STK32C: variants seen among roughly 807,000 people sequenced by gnomAD.
STK32C encodes serine/threonine-protein kinase 32C.
In STK32C, 31 loss-of-function variants were observed where a neutral mutation model predicts 56.5. That is an observed-to-expected ratio of 0.55 (90% CI 0.41 to 0.74). The LOEUF (loss-of-function observed/expected upper bound fraction) is 0.74, where lower values mean the gene tolerates loss of function less well. Ranked by LOEUF, STK32C falls within the 30% of genes least tolerant of loss-of-function variation. The pLI, the probability that STK32C is intolerant of heterozygous loss-of-function variation, is 0.00. For missense variants in STK32C, 544 were observed against 676.9 expected, an observed-to-expected ratio of 0.80 and a Z score of 2.18; for synonymous variants, 309 against 289.4, an observed-to-expected ratio of 1.07 and a Z score of -0.69.
chr10:132,264,900 A>G (rs1300752418), intron 1 of STK32C, among the ~76,000 whole-genome samples: 3 of 152,268 alleles, frequency 2.0e-5, no homozygotes, highest in Admixed American at 6.5e-5. Flanking sequence ...TCACTTTAGG[A>G]AAGACGTTAA....
chr10:132,264,427 G>A (rs1167162057), intron 1 of STK32C, among the ~76,000 whole-genome samples: 1 of 152,228 alleles, frequency 6.6e-6, no homozygotes, highest in Admixed American at 6.5e-5. Context: ...GTAGGCGTTA[G>A]GTGGGCGGGA....
In STK32C at chr10:132,243,169, G is replaced by T. The variant is rs535172848; in HGVS notation, c.318+2731C>A. Among the ~76,000 whole-genome samples the T allele has an allele frequency of 5.3e-5, 8 of 152,348 alleles. No individual in the cohort carries two copies. The South Asian group carries it at 1.7e-3, about 32-fold the overall frequency. On this transcript the variant is annotated intron_variant, in intron 2 of 11. Transcript: ENST00000298630. The stretch of plus-strand genomic sequence containing the variant: ...CCCACCAGCTCACAGGAGGATGCAG[G>T]AATGGGGCTGCCCCCATCTGTGGCT...
intron 1 of STK32C, among the ~76,000 whole-genome samples, chr10:132,279,521 G>A (rs34841629): frequency 0.43 from 65,957 of 151,838 alleles, 15,493 homozygotes; most frequent in African/African-American, 0.6. Context: ...GCACTTTGGG[G>A]GGCTGTGGCA....
upstream of STK32C, among the ~76,000 whole-genome samples, chr10:132,310,986 G>A (rs1300724586): frequency 2.0e-5 from 3 of 152,232 alleles, no homozygotes; most frequent in African/African-American, 7.2e-5. This position sits in a 1 kb window ranked among gnomAD's most constrained non-coding sequence, Gnocchi z 4.6. Flanking sequence ...AGGACAGCAA[G>A]TGAGTGGCCG....
Position 132,279,135 on chromosome 10 carries a change from A to G in STK32C, c.262+28437T>C, listed in dbSNP as rs149763078. On this transcript the variant is annotated intron_variant, in intron 1 of 11. Transcript: ENST00000298630. Reference sequence around the variant, plus strand: ...ATAGTCCAGCTGCACCCAGTTTAACACAGTAATGATTGCAACTGTGAAGTT... The same window carrying G: ...ATAGTCCAGCTGCACCCAGTTTAACGCAGTAATGATTGCAACTGTGAAGTT... Among the ~76,000 whole-genome samples the G allele has an allele frequency of 4.9e-4, 75 of 152,300 alleles. 1 individual carries two copies. The highest frequency in any genetic ancestry group is 9.6e-4 in the Non-Finnish European group (65 of 68,028).
chr10:132,318,336 C>G (rs376332886), intron 1 of STK32C, among the ~76,000 whole-genome samples: 1 of 151,690 alleles, frequency 6.6e-6, no homozygotes, highest in Non-Finnish European at 1.5e-5. Flanking sequence ...ACTTGGAAAA[C>G]CAGGCACGGT....
At chr10:132,263,359 T>C (rs1006728402) in intron 1 of STK32C, among the ~76,000 whole-genome samples, 1 of 152,066 alleles carries the variant, frequency 6.6e-6, no homozygotes. Context: ...CAATACCACA[T>C]GTCCTCATGT....
intron 1 of STK32C, chr10:132,330,171 T>G: frequency 2.3e-6 from 1 of 426,200 alleles, no homozygotes; most frequent in Non-Finnish European, 4.4e-6. Flanking sequence ...CTGAGCACAG[T>G]AAAGGGCAAA....
intron 10 of STK32C, among the ~76,000 whole-genome samples, chr10:132,218,100 C>A (rs1459790550): frequency 6.6e-6 from 1 of 152,108 alleles, no homozygotes. Context: ...GGTGGGAGGA[C>A]TCCAAGAGTT....
chr10:132,275,053 G>C (rs1250791751), intron 1 of STK32C, among the ~76,000 whole-genome samples: 2 of 152,212 alleles, frequency 1.3e-5, no homozygotes, highest in Non-Finnish European at 2.9e-5. Flanking sequence ...GTGGTTCACG[G>C]TGTCCCCCAG....
chr10:132,303,033 T>C (rs1470757785), intron 1 of STK32C, among the ~76,000 whole-genome samples: 2 of 152,072 alleles, frequency 1.3e-5, no homozygotes, highest in South Asian at 2.1e-4. Context: ...ACACACAAGG[T>C]GAACCTTGTA....
chr10:132,220,650 A>T (rs2062609001), intron 10 of STK32C, among the ~76,000 whole-genome samples: 1 of 152,194 alleles, frequency 6.6e-6, no homozygotes, highest in Non-Finnish European at 1.5e-5. Context: ...CCACCATCAC[A>T]ATAGGAAGCA....
At chr10:132,218,095 G>A (rs115205180) in intron 10 of STK32C, among the ~76,000 whole-genome samples, 1 of 152,122 alleles carries the variant, frequency 6.6e-6, no homozygotes, top group African/African-American at 2.4e-5. Flanking sequence ...GCTGAGGTGG[G>A]AGGACTCCAA....
In STK32C at chr10:132,273,232, A is replaced by G. The variant is rs542087432; in HGVS notation, c.263-27277T>C. Among the ~76,000 whole-genome samples the G allele has an allele frequency of 1.3e-3, 205 of 152,192 alleles. 1 individual carries two copies. The highest frequency in any genetic ancestry group is 4.5e-3 in the African/African-American group (185 of 41,510). On this transcript the variant is annotated intron_variant, in intron 1 of 11. Transcript: ENST00000298630. ...GCATCTGATAGAGCTTTCTGTGCTC[A>G]CTAAGCGACCCCACCAAGAGGGCAG... is the stretch of plus-strand genomic sequence containing the variant.
chr10:132,275,018 C>T (rs2064954588), intron 1 of STK32C, among the ~76,000 whole-genome samples: 1 of 152,206 alleles, frequency 6.6e-6, no homozygotes, highest in Non-Finnish European at 1.5e-5. Context: ...GAGGGCCCAG[C>T]ACCATGGCAC....
At chr10:132,218,590 A>G (rs1289683477) in intron 10 of STK32C, among the ~76,000 whole-genome samples, 1 of 152,156 alleles carries the variant, frequency 6.6e-6, no homozygotes, top group East Asian at 1.9e-4. Context: ...ACCCTCACAC[A>G]CTGCTGGTAG....
intron 1 of STK32C, among the ~76,000 whole-genome samples, chr10:132,265,866 A>T (rs562252756): frequency 7.9e-5 from 12 of 152,190 alleles, no homozygotes; most frequent in Non-Finnish European, 1.6e-4. Context: ...AGGCCTGGCA[A>T]GGACACCGGG....
intron 1 of STK32C, among the ~76,000 whole-genome samples, chr10:132,302,134 A>C (rs1028688688): frequency 1.3e-5 from 2 of 152,080 alleles, no homozygotes; most frequent in African/African-American, 4.8e-5. Context: ...TGGAAGAAAC[A>C]CTTGTCTGTG....
intron 2 of STK32C, among the ~76,000 whole-genome samples, chr10:132,229,062 G>A (rs2063001811): frequency 6.6e-6 from 1 of 152,234 alleles, no homozygotes; most frequent in Non-Finnish European, 1.5e-5. Context: ...AATGAGCAGG[G>A]GGGTCCCTTG....
Sources: allele counts gnomAD v4.1 joint callset (sites outside exome capture counted in the v4.1 genomes callset), GRCh38; gene constraint gnomAD v4.1.1; non-coding constraint Gnocchi (gnomAD v3.1); transcripts MANE v1.5; gene names NCBI Gene and HGNC (gene_info 2026-07-23, HGNC 2026-07-21).